MEIS2: variants seen among roughly 807,000 people sequenced by gnomAD.
The protein encoded by MEIS2 is Meis homeobox 2, also known as homeobox protein Meis2.
A neutral mutation model predicts 58.6 loss-of-function variants in MEIS2; 9 were observed. That is an observed-to-expected ratio of 0.15 (90% CI 0.09 to 0.27). MEIS2 has a LOEUF of 0.27. Among genes scored for constraint, MEIS2 ranks in the 10% least tolerant of loss-of-function variants. The pLI, the probability that MEIS2 is intolerant of heterozygous loss-of-function variation, is 1.00. For synonymous variants in MEIS2, 221 were observed against 228.4 expected, an observed-to-expected ratio of 0.97 and a Z score of 0.29; for missense variants, 427 against 635.0, an observed-to-expected ratio of 0.67 and a Z score of 3.52.
chr15:36,976,832 C>A (rs554487395), intron 8 of MEIS2, among the ~76,000 whole-genome samples: 4 of 152,094 alleles, frequency 2.6e-5, no homozygotes, highest in African/African-American at 9.6e-5. Context: ...AACTTAAAAA[C>A]TCAAATAGGG....
At chr15:37,088,348 T>G (rs1009747638) in intron 6 of MEIS2, among the ~76,000 whole-genome samples, 5 of 152,182 alleles carry the variant, frequency 3.3e-5, no homozygotes, top group African/African-American at 7.2e-5. Flanking sequence ...CTAATTTGAC[T>G]CAATATATTT....
At chr15:37,086,658 T>C (rs543359585) in intron 6 of MEIS2, among the ~76,000 whole-genome samples, 1 of 152,322 alleles carries the variant, frequency 6.6e-6, no homozygotes. Context: ...ATTATGGTCT[T>C]GTTTGAGAGA....
At chr15:37,082,396 C>T (rs1215014455) in intron 7 of MEIS2, among the ~76,000 whole-genome samples, 1 of 151,972 alleles carries the variant, frequency 6.6e-6, no homozygotes, top group East Asian at 1.9e-4. Context: ...CCCTTTGTGT[C>T]GCCGCAATTT....
At chr15:36,919,391 C>T (rs2057403404) in intron 9 of MEIS2, among the ~76,000 whole-genome samples, 1 of 151,862 alleles carries the variant, frequency 6.6e-6, no homozygotes, top group African/African-American at 2.4e-5. Flanking sequence ...CCAGCCTGAC[C>T]AACATGGAGA....
At chr15:36,907,134 A>C (rs2056781175) in intron 9 of MEIS2, among the ~76,000 whole-genome samples, 1 of 152,224 alleles carries the variant, frequency 6.6e-6, no homozygotes, top group Admixed American at 6.5e-5. Flanking sequence ...ATGTATTTTT[A>C]AGCAATAGCA....
At chr15:37,046,772 G>A (rs1452009526) in intron 7 of MEIS2, among the ~76,000 whole-genome samples, 1 of 151,992 alleles carries the variant, frequency 6.6e-6, no homozygotes, top group Non-Finnish European at 1.5e-5. Context: ...TATAGCAGAA[G>A]AGAATGAAAG....
chr15:37,064,091 A>C (rs2141849770), intron 7 of MEIS2, among the ~76,000 whole-genome samples: 1 of 152,316 alleles, frequency 6.6e-6, no homozygotes, highest in South Asian at 2.1e-4. Flanking sequence ...AAAACTAAAT[A>C]GAACTTAAGG....
At chr15:36,992,650 T>C (rs2060337297) in intron 8 of MEIS2, among the ~76,000 whole-genome samples, 1 of 152,150 alleles carries the variant, frequency 6.6e-6, no homozygotes. Context: ...AAAGATCTTA[T>C]CTTAAGATAT....
chr15:36,991,771 CTTTTTTTTTTTCTTTTTTTTT>C (rs1390507815), intron 8 of MEIS2, among the ~76,000 whole-genome samples: 7 of 108,628 alleles, frequency 6.4e-5, no homozygotes, highest in Admixed American at 2.0e-4. Context: ...TGTTAATTTT[CTTTTTTTTTTTCTTTTTTTTT>C]TTTTTTTTTT....
chr15:37,044,814 T>C (rs1214788831), intron 7 of MEIS2, among the ~76,000 whole-genome samples: 1 of 152,234 alleles, frequency 6.6e-6, no homozygotes, highest in African/African-American at 2.4e-5. Context: ...TGTGAGCTTT[T>C]GCTAGTTTGT....
chr15:36,897,077 T>C, intron 9 of MEIS2: 1 of 189,272 alleles, frequency 5.3e-6, no homozygotes, highest in Non-Finnish European at 1.1e-5. Flanking sequence ...TGGTCATAAA[T>C]GGAGACCAGG....
intron 8 of MEIS2, among the ~76,000 whole-genome samples, chr15:37,001,205 C>G (rs1439846461): frequency 6.6e-6 from 1 of 152,128 alleles, no homozygotes; most frequent in African/African-American, 2.4e-5. Context: ...CTTCTTAGTT[C>G]TCTAGTATCT....
chr15:36,967,473 C>T (rs572788480), intron 8 of MEIS2, among the ~76,000 whole-genome samples: 1 of 152,272 alleles, frequency 6.6e-6, no homozygotes, highest in African/African-American at 2.4e-5. Context: ...AAGTCTTTAA[C>T]TGATCTTCAT....
rs537020639 is a variant in MEIS2 at position 37,015,621 on chromosome 15, T to A, written c.900+21193A>T. On this transcript the variant is annotated intron_variant, in intron 8 of 11. Transcript: ENST00000561208. ...TGGGGTGGGTGGCAGGGGGAGCATC[T>A]GGGAGCTGTGCAAGAGGAAGATCAG... 2.0e-5 allele frequency among the ~76,000 whole-genome samples: 3 copies of A among 152,092 alleles called. No homozygotes were observed. The East Asian group carries it at 5.8e-4, about 29-fold the overall frequency.
rs1595834166 is a variant in MEIS2, at chr15:36,968,975, A to C, written c.901-18575T>G. Among the ~76,000 whole-genome samples, 3 of 152,210 alleles carry C rather than the reference A, an allele frequency of 2.0e-5. 1 individual carries two copies. ...CCAGTCCTCCTCACTTCGCTTTCTC[A>C]TCTTGAAACGTAAACCGGCCATCAT... is the stretch of plus-strand genomic sequence containing the variant. On this transcript the variant is annotated intron_variant, in intron 8 of 11. Transcript: ENST00000561208.
chr15:37,067,489 G>A (rs1272667286), intron 7 of MEIS2, among the ~76,000 whole-genome samples: 3 of 151,378 alleles, frequency 2.0e-5, no homozygotes, highest in Non-Finnish European at 4.4e-5. Context: ...GCTGTCCCAC[G>A]TCATACCTCC....
At chr15:36,920,166 T>G (rs1323266858) in intron 9 of MEIS2, among the ~76,000 whole-genome samples, 1 of 151,798 alleles carries the variant, frequency 6.6e-6, no homozygotes, top group East Asian at 1.9e-4. Flanking sequence ...TTATTTTTAT[T>G]TTGACAGAGT....
At chr15:36,960,988 C>T (rs1193367304) in intron 8 of MEIS2, among the ~76,000 whole-genome samples, 2 of 152,080 alleles carry the variant, frequency 1.3e-5, no homozygotes, top group African/African-American at 2.4e-5. Flanking sequence ...TTTTGGAACT[C>T]CCCACAGTTT....
intron 8 of MEIS2, among the ~76,000 whole-genome samples, chr15:36,975,196 C>A (rs554745054): frequency 6.6e-6 from 1 of 152,270 alleles, no homozygotes; most frequent in African/African-American, 2.4e-5. Flanking sequence ...CGTGGAATAG[C>A]TCAATAACAT....
Sources: gnomAD v4.1 joint callset for allele counts (sites outside exome capture counted in the v4.1 genomes callset) on GRCh38, gnomAD v4.1.1 for gene constraint, MANE v1.5 for transcripts, NCBI Gene and HGNC (gene_info 2026-07-23, HGNC 2026-07-21) for gene names.